Variants in KLC1 observed in about 807,000 individuals in gnomAD.
KLC1 encodes the protein kinesin 2 60/70kDa.
In KLC1, 30 loss-of-function variants were observed where a neutral mutation model predicts 84.2. That is an observed-to-expected ratio of 0.36 (90% CI 0.27 to 0.48). KLC1 has a LOEUF of 0.48. Among genes scored for constraint, KLC1 ranks in the 20% least tolerant of loss-of-function variants. KLC1 has a pLI of 0.99. For missense variants in KLC1, 499 were observed against 805.4 expected (o/e 0.62, Z 4.60); for synonymous variants, 289 against 293.3 (o/e 0.99, Z 0.15).
At position 103,629,289 on chromosome 14, in the gene KLC1, G is replaced by C. The variant is rs2076493559; in HGVS notation, c.-207G>C. 1 of 153,172 alleles carries C rather than the reference G, an allele frequency of 6.5e-6. No homozygotes were observed. Among genetic ancestry groups the C allele is most frequent in the African/African-American group, 2.4e-5 (1 of 41,440 alleles). 9.5% of individuals were successfully genotyped at this position (153,172 alleles called of 1,614,324 possible). ...TGGGCTGCTGGTGCGAGGAGCCGCG[G>C]GGCTGTGCTCGGCGGCCAAGGGGAC... On this transcript the variant is annotated 5_prime_UTR_variant, in exon 1 of 17. Coordinates refer to ENST00000334553, the MANE Select transcript of KLC1 (RefSeq NM_001394837.1).
At chr14:103,643,665 C>T (rs1305799593) in intron 1 of KLC1, among the ~76,000 whole-genome samples, 4 of 152,162 alleles carry the variant, frequency 2.6e-5, no homozygotes, top group South Asian at 2.1e-4. Context: ...TGGTGGCTCA[C>T]GCCTGTAATC....
At chr14:103,701,081 C>T (rs2083158459) in intron 16 of KLC1, 120 bp from the exon 17 acceptor site, 4 of 1,266,276 alleles carry the variant, frequency 3.2e-6, no homozygotes, top group Non-Finnish European at 2.2e-6. Context: ...CAACCAGCAA[C>T]ACCCTCTTCT....
rs554286714 is a variant in KLC1, at chr14:103,685,329, C to A, written c.1651-1752C>A. ...TCCTTATATACAGTTACTTGTAAAG[C>A]CTTTTACACCAAGTGTCAAGGAGAT... is the stretch of plus-strand genomic sequence containing the variant. On this transcript the variant is annotated intron_variant, in intron 13 of 16. Transcript: ENST00000334553. 4 of 1,277,118 alleles carry A rather than the reference C, an allele frequency of 3.1e-6. No individual in the cohort carries two copies. The African/African-American group carries it at 6.1e-5, about 19-fold the overall frequency. The allele number at this position is 1,277,118 out of a possible 1,614,324, so 79.1% of individuals were successfully genotyped here. A position where few individuals can be genotyped will look rare whatever the true frequency, so the allele number is the denominator to read the frequency against.
chr14:103,661,333 C>T lies in KLC1; in HGVS notation c.493-783C>T, dbSNP rs191451619. 3.7e-4 allele frequency among the ~76,000 whole-genome samples: 57 copies of T among 152,280 alleles called. 1 individual carries two copies. The highest frequency in any genetic ancestry group is 2.5e-3 in the East Asian group (13 of 5,194). ...GTCACATCTGTTGAGTAGCCTTTCACGTGGAATGGGGTCTCTGTCTCTGGT... is the reference window on the plus strand; with the variant it reads ...GTCACATCTGTTGAGTAGCCTTTCATGTGGAATGGGGTCTCTGTCTCTGGT... On this transcript the variant is annotated intron_variant, in intron 3 of 16. Transcript: ENST00000334553.
Position 103,694,563 on chromosome 14 carries a change from G to C in KLC1, c.1848+2138G>C. On this transcript the variant is annotated intron_variant, in intron 15 of 16. Coordinates refer to ENST00000334553, the MANE Select transcript of KLC1 (RefSeq NM_001394837.1). The surrounding 1 kb of genome is among the most constrained non-coding windows in gnomAD (Gnocchi z 4.5). ...GTATTTCTTAGCCGTCCACAAACTA[G>C]TCCATAGGTAAAGAGCATACAAAAC... The C allele has an allele frequency of 5.1e-6, 5 of 985,480 alleles. No individual in the cohort carries two copies. Among genetic ancestry groups the C allele is most frequent in the Non-Finnish European group, 4.8e-6 (4 of 829,960 alleles). 61.0% of individuals were successfully genotyped at this position (985,480 alleles called of 1,614,324 possible).
intron 14 of KLC1, among the ~76,000 whole-genome samples, chr14:103,690,369 G>C (rs1479089485): frequency 1.3e-5 from 2 of 152,220 alleles, no homozygotes; most frequent in Non-Finnish European, 2.9e-5. Context: ...TGTCCTGGTT[G>C]GGACATTTTG....
intron 4 of KLC1, 25 bp from the exon 5 acceptor site, chr14:103,662,677 T>C (rs753177632): frequency 1.6e-5 from 24 of 1,516,416 alleles, no homozygotes; most frequent in East Asian, 2.3e-5. Flanking sequence ...TAAAAACCCA[T>C]CTGAAGTGAA....
intron 13 of KLC1, among the ~76,000 whole-genome samples, chr14:103,684,360 T>C (rs2081608697): frequency 6.6e-6 from 1 of 152,192 alleles, no homozygotes; most frequent in Admixed American, 6.5e-5. Context: ...TTCCCAGTAA[T>C]ATAAAGAGGT....
intron 15 of KLC1, chr14:103,699,594 A>G (rs1322665879): frequency 6.2e-7 from 1 of 1,612,138 alleles, no homozygotes; most frequent in Non-Finnish European, 8.5e-7. Flanking sequence ...GACAGCTGTC[A>G]TTGTCTATGC....
At chr14:103,679,288 GTTTT>G (rs369024927) in intron 12 of KLC1, 92 bp from the exon 13 acceptor site, 36 of 1,104,024 alleles carry the variant, frequency 3.3e-5, no homozygotes, top group South Asian at 4.8e-5. Context: ...ATTAAGAACT[GTTTT>G]TTTTTTTTTT....
chr14:103,693,698 G>A lies in KLC1; in HGVS notation c.1848+1273G>A. 2 of 1,506,950 alleles carry A rather than the reference G, an allele frequency of 1.3e-6. No homozygotes were observed. The highest frequency in any genetic ancestry group is 5.0e-5 in the East Asian group (2 of 40,090). The allele number at this position is 1,506,950 out of a possible 1,614,324, so 93.3% of individuals were successfully genotyped here. On this transcript the variant is annotated intron_variant, in intron 15 of 16. Transcript: ENST00000334553. The surrounding 1 kb of genome is among the most constrained non-coding windows in gnomAD (Gnocchi z 5.1). The stretch of plus-strand genomic sequence containing the variant: ...CACGCCCCTCACCGCCCTGCCCGGA[G>A]GCGCCAGCCGCACTCCTTGGCTTCC...
chr14:103,675,434 A>G, intron 9 of KLC1, 118 bp from the exon 10 acceptor site: 1 of 752,046 alleles, frequency 1.3e-6, no homozygotes, highest in African/African-American at 1.8e-5. Flanking sequence ...AGTGCTCCAA[A>G]GTTTGAAACT....
At position 103,693,484 on chromosome 14, in the gene KLC1, G is replaced by T. The variant is rs1486986803; in HGVS notation, c.1848+1059G>T. 3 of 1,532,858 alleles carry T rather than the reference G, an allele frequency of 2.0e-6. No homozygotes were observed. Among genetic ancestry groups the T allele is most frequent in the Non-Finnish European group, 2.6e-6 (3 of 1,145,216 alleles). 95.0% of individuals were successfully genotyped at this position (1,532,858 alleles called of 1,614,324 possible). On this transcript the variant is annotated intron_variant, in intron 15 of 16. Coordinates refer to ENST00000334553, the MANE Select transcript of KLC1 (RefSeq NM_001394837.1). This position sits in a 1 kb window ranked among gnomAD's most constrained non-coding sequence, Gnocchi z 5.1. Reference sequence around the variant, plus strand: ...GTGCAGCTGGTACTGTTAGGCCTGAGGCCATTTGAAGCTGGCATCATTTGA... The same window carrying T: ...GTGCAGCTGGTACTGTTAGGCCTGATGCCATTTGAAGCTGGCATCATTTGA...
chr14:103,699,316 C>T (rs769807134), intron 15 of KLC1: 5 of 1,557,356 alleles, frequency 3.2e-6, no homozygotes, highest in Admixed American at 1.9e-5. Flanking sequence ...CTTCCGCATC[C>T]TGGCTAAAAA....
At chr14:103,666,748 G>T (rs2079874036) in intron 5 of KLC1, among the ~76,000 whole-genome samples, 2 of 149,704 alleles carry the variant, frequency 1.3e-5, no homozygotes, top group South Asian at 4.3e-4. Flanking sequence ...ACAGGCGTGA[G>T]CCACCGTGCC....
At chr14:103,698,786 G>C (rs1464406975) in intron 15 of KLC1, 2 of 1,581,656 alleles carry the variant, frequency 1.3e-6, no homozygotes, top group African/African-American at 1.3e-5. Flanking sequence ...CTGTTGTGCA[G>C]CCGCCACCGT....
chr14:103,695,251 C>A, intron 15 of KLC1: 2 of 695,582 alleles, frequency 2.9e-6, no homozygotes, highest in Non-Finnish European at 1.8e-6. Context: ...ATCACTTGAG[C>A]CCAGTTCAAG....
intron 7 of KLC1, among the ~76,000 whole-genome samples, chr14:103,671,293 A>C (rs2080365792): frequency 6.6e-6 from 1 of 152,194 alleles, no homozygotes; most frequent in Non-Finnish European, 1.5e-5. Context: ...TGTTCATTTC[A>C]GCAGTGCTGT....
intron 13 of KLC1, chr14:103,684,065 T>C (rs930097372): frequency 6.6e-6 from 1 of 152,228 alleles, no homozygotes; most frequent in Non-Finnish European, 1.5e-5. Flanking sequence ...GTAATCCCAG[T>C]TACTCAGGAG....
Sources: gnomAD v4.1 joint callset for allele counts (sites outside exome capture counted in the v4.1 genomes callset) on GRCh38, gnomAD v4.1.1 for gene constraint, Gnocchi (gnomAD v3.1) non-coding constraint, MANE v1.5 for transcripts, NCBI Gene and HGNC (gene_info 2026-07-23, HGNC 2026-07-21) for gene names.